RAB5A: variants seen among roughly 807,000 people sequenced by gnomAD.
RAB5A encodes ras-related protein Rab-5A.
A neutral mutation model predicts 25.7 loss-of-function variants in RAB5A; 8 were observed. The observed-to-expected ratio is 0.31, with a 90% CI of 0.18 to 0.56. RAB5A has a LOEUF of 0.56. Among genes scored for constraint, RAB5A ranks in the 20% least tolerant of loss-of-function variants. RAB5A has a pLI of 0.91. For missense variants in RAB5A, 192 were observed against 259.7 expected, an observed-to-expected ratio of 0.74 and a Z score of 1.79; for synonymous variants, 98 against 89.8, an observed-to-expected ratio of 1.09 and a Z score of -0.52.
At chr3:19,972,306 C>A (rs923187793) in intron 2 of RAB5A, among the ~76,000 whole-genome samples, 1 of 152,150 alleles carries the variant, frequency 6.6e-6, no homozygotes, top group African/African-American at 2.4e-5. Context: ...ATTCCTGGTT[C>A]CAAGCATTTC....
chr3:19,966,325 A>G (rs1696661896), intron 2 of RAB5A, among the ~76,000 whole-genome samples: 1 of 152,186 alleles, frequency 6.6e-6, no homozygotes, highest in East Asian at 1.9e-4. Context: ...ATTTAGCATA[A>G]TGTCCTCAAC....
In RAB5A at chr3:19,947,203, G is replaced by T; in HGVS notation, c.-412G>T. On this transcript the variant is annotated 5_prime_UTR_variant, in exon 1 of 6. Coordinates refer to ENST00000273047, the MANE Select transcript of RAB5A (RefSeq NM_004162.5). ...TGTTTTGGTTCGTGAAGGAGCCGGC[G>T]GCTGGCCTTAGGGGAGGAGGCAGAG... 1 of 161,912 alleles carries T rather than the reference G, an allele frequency of 6.2e-6. No homozygotes were observed. Among genetic ancestry groups the T allele is most frequent in the South Asian group, 1.4e-4 (1 of 6,946 alleles). 10.0% of individuals were successfully genotyped at this position (161,912 alleles called of 1,614,324 possible). A position where few individuals can be genotyped will look rare whatever the true frequency, so the allele number is the denominator to read the frequency against.
intron 2 of RAB5A, among the ~76,000 whole-genome samples, chr3:19,954,108 A>G (rs563567120): frequency 2.4e-4 from 36 of 152,162 alleles, no homozygotes; most frequent in African/African-American, 8.7e-4. Flanking sequence ...TCTACTTCCC[A>G]GGTTCAGGCA....
rs935290463 is a variant in RAB5A at position 19,984,445 on chromosome 3, A to C, written c.*622A>C. The C allele has an allele frequency of 2.2e-5, 5 of 228,456 alleles. No homozygotes were observed. Among genetic ancestry groups the C allele is most frequent in the African/African-American group, 9.5e-5 (4 of 41,970 alleles). The allele number at this position is 228,456 out of a possible 1,614,324, so 14.2% of individuals were successfully genotyped here. ...TTTTTTTAAATGGGGTAAAAATCAA[A>C]TGCAACCCCATCTTGTTTTAGGAAT... On this transcript the variant is annotated 3_prime_UTR_variant, in exon 6 of 6. Coordinates refer to ENST00000273047, the MANE Select transcript of RAB5A (RefSeq NM_004162.5).
chr3:19,964,222 G>A (rs1307551550), intron 2 of RAB5A, among the ~76,000 whole-genome samples: 1 of 152,080 alleles, frequency 6.6e-6, no homozygotes, highest in South Asian at 2.1e-4. Flanking sequence ...TAGATAAAAT[G>A]TCTTTTGTAG....
chr3:19,981,442 CG>C (rs1341645521), intron 5 of RAB5A, among the ~76,000 whole-genome samples: 1 of 151,854 alleles, frequency 6.6e-6, no homozygotes, highest in Non-Finnish European at 1.5e-5. Flanking sequence ...GTCGAAACCC[CG>C]TCTCTACTAA....
chr3:19,955,866 C>T (rs963724254), intron 2 of RAB5A, among the ~76,000 whole-genome samples: 2 of 152,112 alleles, frequency 1.3e-5, no homozygotes, highest in African/African-American at 4.8e-5. Context: ...CATTGCACTC[C>T]AGCCTGGGTG....
rs759393574 is a variant in RAB5A, at chr3:19,984,265, G to C, written c.*442G>C. On this transcript the variant is annotated 3_prime_UTR_variant, in exon 6 of 6. Transcript: ENST00000273047. Reference sequence around the variant, plus strand: ...AAGTTATTTATGATGCTTAGCCATAGTATTCAGGCAAATGTTCATTTCTCC... The same window carrying C: ...AAGTTATTTATGATGCTTAGCCATACTATTCAGGCAAATGTTCATTTCTCC... 12 of 430,266 alleles carry C rather than the reference G, an allele frequency of 2.8e-5. No individual in the cohort carries two copies. The highest frequency in any genetic ancestry group is 6.3e-5 in the African/African-American group (3 of 47,824). 26.7% of individuals were successfully genotyped at this position (430,266 alleles called of 1,614,324 possible).
intron 2 of RAB5A, among the ~76,000 whole-genome samples, chr3:19,956,815 G>A (rs561287691): frequency 1.3e-5 from 2 of 152,006 alleles, no homozygotes; most frequent in East Asian, 1.9e-4. Context: ...TGGCTGAATC[G>A]TTTTGTCATT....
At chr3:19,980,387 G>GA (rs1251526432) in intron 5 of RAB5A, among the ~76,000 whole-genome samples, 1 of 151,798 alleles carries the variant, frequency 6.6e-6, no homozygotes. Flanking sequence ...CTTCTTAAAA[G>GA]AAAATCTATG....
At chr3:19,954,276 A>G (rs1213794416) in intron 2 of RAB5A, among the ~76,000 whole-genome samples, 1 of 152,058 alleles carries the variant, frequency 6.6e-6, no homozygotes, top group African/African-American at 2.4e-5. Flanking sequence ...CGGCCTCCCA[A>G]AGTGCTGGAA....
intron 2 of RAB5A, among the ~76,000 whole-genome samples, chr3:19,953,325 G>T (rs1696451113): frequency 6.6e-6 from 1 of 151,280 alleles, no homozygotes; most frequent in African/African-American, 2.4e-5. Flanking sequence ...TTTCATTAAT[G>T]AATTTTTCAT....
chr3:19,977,349 C>T (rs1696841858), intron 4 of RAB5A, among the ~76,000 whole-genome samples: 1 of 152,204 alleles, frequency 6.6e-6, no homozygotes, highest in Non-Finnish European at 1.5e-5. Context: ...GCTAGGATTA[C>T]AGGCGTGAGC....
intron 2 of RAB5A, among the ~76,000 whole-genome samples, chr3:19,951,701 G>GTTTTGTTTTT (rs1696425210): frequency 1.0e-5 from 1 of 99,014 alleles, no homozygotes; most frequent in Non-Finnish European, 2.0e-5. Flanking sequence ...TGCCAGGCAA[G>GTTTTGTTTTT]TTTTTTTTTT....
rs148311294 is a variant in RAB5A, at chr3:19,984,315, T to C, written c.*492T>C. On this transcript the variant is annotated 3_prime_UTR_variant, in exon 6 of 6. Coordinates refer to ENST00000273047, the MANE Select transcript of RAB5A (RefSeq NM_004162.5). ...CTGGTACCTGTATTTAAAATGTACA[T>C]TCCACATTTTAATAAATTAACCACA... 4.1e-5 allele frequency: 17 copies of C among 414,478 alleles called. No homozygotes were observed. The Admixed American group carries it at 4.8e-4, about 12-fold the overall frequency. The allele number at this position is 414,478 out of a possible 1,614,324, so 25.7% of individuals were successfully genotyped here.
At chr3:19,976,240 A>C in intron 4 of RAB5A, 71 bp downstream of exon 4, 1 of 1,492,524 alleles carries the variant, frequency 6.7e-7, no homozygotes. Flanking sequence ...TCAACACTTG[A>C]ATTAGTTATA....
intron 2 of RAB5A, among the ~76,000 whole-genome samples, chr3:19,958,244 AAAT>A (rs1425313080): frequency 1.2e-4 from 18 of 152,258 alleles, no homozygotes; most frequent in Non-Finnish European, 2.4e-4. Context: ...GTTTCAAGCA[AAAT>A]AATAATATCT....
At chr3:19,967,333 CA>C (rs1696675719) in intron 2 of RAB5A, among the ~76,000 whole-genome samples, 2 of 151,996 alleles carry the variant, frequency 1.3e-5, no homozygotes, top group South Asian at 4.2e-4. Flanking sequence ...TTAATAGAGA[CA>C]GGGTTTCGTC....
rs569586973 is a variant in RAB5A, at chr3:19,984,414, G to T, written c.*591G>T. The T allele has an allele frequency of 4.4e-4, 81 of 182,860 alleles. No individual in the cohort carries two copies. Among genetic ancestry groups the T allele is most frequent in the African/African-American group, 1.7e-3 (68 of 39,944 alleles). 11.3% of individuals were successfully genotyped at this position (182,860 alleles called of 1,614,324 possible). A position where few individuals can be genotyped will look rare whatever the true frequency, so the allele number is the denominator to read the frequency against. On this transcript the variant is annotated 3_prime_UTR_variant, in exon 6 of 6. Coordinates refer to ENST00000273047, the MANE Select transcript of RAB5A (RefSeq NM_004162.5). ...TGGTATCTTAATTATACCCAGTCTG[G>T]TTTTTTTTTTTTAAATGGGGTAAAA...
Sources: gnomAD v4.1 joint callset for allele counts (sites outside exome capture counted in the v4.1 genomes callset) on GRCh38, gnomAD v4.1.1 for gene constraint, MANE v1.5 for transcripts, NCBI Gene and HGNC (gene_info 2026-07-23, HGNC 2026-07-21) for gene names.